YPEL2: variants seen among roughly 807,000 people sequenced by gnomAD.
YPEL2 encodes protein yippee-like 2.
YPEL2 carries 2 observed loss-of-function variants against 19.1 expected under a neutral mutation model. The observed-to-expected ratio is 0.10, with a 90% CI of 0.04 to 0.33. YPEL2 has a LOEUF of 0.33. YPEL2 is among the 10% of genes least tolerant of loss of function. The probability of loss-of-function intolerance (pLI) is 1.00; values close to 1 mark genes in which losing one functional copy is unlikely to be tolerated. For missense variants in YPEL2, 66 were observed against 140.7 expected, an observed-to-expected ratio of 0.47 and a Z score of 2.68; for synonymous variants, 52 against 50.0, an observed-to-expected ratio of 1.04 and a Z score of -0.17.
At chr17:59,335,962 C>T (rs1255519737) in intron 1 of YPEL2, among the ~76,000 whole-genome samples, 1 of 152,140 alleles carries the variant, frequency 6.6e-6, no homozygotes, top group African/African-American at 2.4e-5. Flanking sequence ...CTCTCTTAAT[C>T]CCCTTAACTT....
chr17:59,374,049 G>A (rs964780435), intron 2 of YPEL2, among the ~76,000 whole-genome samples: 3 of 152,174 alleles, frequency 2.0e-5, no homozygotes, highest in African/African-American at 7.2e-5. Context: ...CTCACAGAAT[G>A]TTCACCCTTG....
Position 59,353,975 on chromosome 17 carries a change from G to A in YPEL2, c.117+449G>A. 3.7e-6 allele frequency: 1 copy of A among 271,834 alleles called. No homozygotes were observed. The highest frequency in any genetic ancestry group is 3.9e-5 in the South Asian group (1 of 25,804). The allele number at this position is 271,834 out of a possible 1,614,324, so 16.8% of individuals were successfully genotyped here. On this transcript the variant is annotated intron_variant, in intron 2 of 4. Coordinates refer to ENST00000312655, the MANE Select transcript of YPEL2 (RefSeq NM_001005404.4). The surrounding 1 kb of genome is among the most constrained non-coding windows in gnomAD (Gnocchi z 4.8). ...TGAGACTGTGGAATTACTAAAATGG[G>A]TGGCTTTTGGCAGGGACCAAAAGTG...
In YPEL2 at chr17:59,332,194, C is replaced by A. The variant is rs1381977432; in HGVS notation, c.-196+370C>A. Among the ~76,000 whole-genome samples the A allele has an allele frequency of 2.6e-5, 4 of 152,040 alleles. No individual in the cohort carries two copies. The East Asian group carries it at 7.8e-4, about 30-fold the overall frequency. Reference sequence around the variant, plus strand: ...GCCGCTTCCTCCTCCGCGTCGTCCCCATGGGTTCGGACTCCATGGGGTCCG... The same window carrying A: ...GCCGCTTCCTCCTCCGCGTCGTCCCAATGGGTTCGGACTCCATGGGGTCCG... On this transcript the variant is annotated intron_variant, in intron 1 of 4. Coordinates refer to ENST00000312655, the MANE Select transcript of YPEL2 (RefSeq NM_001005404.4).
At chr17:59,372,648 T>C (rs1485747644) in intron 2 of YPEL2, among the ~76,000 whole-genome samples, 1 of 152,174 alleles carries the variant, frequency 6.6e-6, no homozygotes, top group East Asian at 1.9e-4. Flanking sequence ...TGAAGAGTGA[T>C]AAGAATGCCC....
intron 1 of YPEL2, among the ~76,000 whole-genome samples, chr17:59,332,410 C>A (rs531821343): frequency 2.6e-5 from 4 of 152,188 alleles, no homozygotes; most frequent in Non-Finnish European, 5.9e-5. Flanking sequence ...CCTCCCTGGC[C>A]GCGTCTCGGC....
At chr17:59,340,118 T>A (rs2047720495) in intron 1 of YPEL2, among the ~76,000 whole-genome samples, 2 of 152,142 alleles carry the variant, frequency 1.3e-5, no homozygotes, top group Admixed American at 1.3e-4. Flanking sequence ...ACTTTTTTTT[T>A]TTTTTTGAGA....
chr17:59,378,550 C>T (rs1013685460), intron 2 of YPEL2, among the ~76,000 whole-genome samples: 3 of 152,000 alleles, frequency 2.0e-5, no homozygotes, highest in Non-Finnish European at 2.9e-5. Context: ...TGGCCAGGCT[C>T]GTCTTGAACT....
chr17:59,364,765 G>A (rs1317455101), intron 2 of YPEL2, among the ~76,000 whole-genome samples: 1 of 152,090 alleles, frequency 6.6e-6, no homozygotes, highest in Non-Finnish European at 1.5e-5. Flanking sequence ...ACAGGTGCCT[G>A]CCACCACATC....
intron 1 of YPEL2, among the ~76,000 whole-genome samples, chr17:59,332,551 A>G (rs1311178295): frequency 1.3e-5 from 2 of 150,720 alleles, no homozygotes; most frequent in East Asian, 4.0e-4. Context: ...CTTCCAGTTC[A>G]CCCTGCTTGG....
intron 2 of YPEL2, among the ~76,000 whole-genome samples, chr17:59,382,230 C>G (rs540276092): frequency 6.6e-6 from 1 of 152,346 alleles, no homozygotes; most frequent in Non-Finnish European, 1.5e-5. Flanking sequence ...CTATGGCCAC[C>G]AGGACAGCCC....
intron 4 of YPEL2, among the ~76,000 whole-genome samples, chr17:59,390,259 C>T (rs896689367): frequency 3.3e-5 from 5 of 152,176 alleles, no homozygotes; most frequent in Non-Finnish European, 7.3e-5. Context: ...CCGTCAGGCT[C>T]CCAAAGTGCT....
Position 59,389,455 on chromosome 17 carries a change from T to G in YPEL2, c.257T>G (p.Leu86Arg). Residue 86 changes from leucine (L) to arginine (R), a missense_variant, in exon 4 of 5, where the codon CTG (leucine) becomes CGG (arginine). Physicochemically the swap from Leu to Arg is moderately radical, Grantham distance 102. Transcript: ENST00000312655. ...DIYCENCKTT[L>R]GWKYEHAFES... ...TACTGTGAAAACTGCAAAACCACTC[T>G]GGGCTGGAAATACGTAAGTATAAAG... 1.2e-6 allele frequency: 2 copies of G among 1,613,690 alleles called. No homozygotes were observed. The highest frequency in any genetic ancestry group is 1.7e-6 in the Non-Finnish European group (2 of 1,179,938).
rs2048043530 is a variant in YPEL2, at chr17:59,397,112, T to C, written c.282T>C (p.Phe94=). 1 of 1,611,718 alleles carries C rather than the reference T, an allele frequency of 6.2e-7. No homozygotes were observed. The highest frequency in any genetic ancestry group is 8.5e-7 in the Non-Finnish European group (1 of 1,178,886). Residue 94 remains phenylalanine, a synonymous_variant, in exon 5 of 5, where the codon TTT becomes TTC. Transcript: ENST00000312655. ...TCTGTATTTCCTAGGAACATGCTTT[T>C]GAAAGCAGCCAGAAATATAAAGAAG... ...TTLGWKYEHA[F]ESSQKYKEGK...
chr17:59,359,745 A>G (rs1598035729), intron 2 of YPEL2, among the ~76,000 whole-genome samples: 1 of 152,260 alleles, frequency 6.6e-6, no homozygotes, highest in Admixed American at 6.5e-5. Flanking sequence ...ATAAATGTCT[A>G]TCTCAAAAAG....
intron 1 of YPEL2, among the ~76,000 whole-genome samples, chr17:59,346,309 GTCTT>G (rs1195620239): frequency 3.9e-5 from 6 of 152,196 alleles, no homozygotes; most frequent in East Asian, 1.9e-4. Context: ...GTCCCTTTCA[GTCTT>G]TCTAAGAGTT....
intron 2 of YPEL2, among the ~76,000 whole-genome samples, chr17:59,366,551 G>A (rs924844170): frequency 1.3e-5 from 2 of 152,146 alleles, no homozygotes; most frequent in Non-Finnish European, 2.9e-5. Context: ...CAGCCGAGTC[G>A]GGCAGCCCCT....
intron 1 of YPEL2, among the ~76,000 whole-genome samples, chr17:59,340,908 T>G (rs370166549): frequency 6.9e-6 from 1 of 144,928 alleles, no homozygotes; most frequent in Non-Finnish European, 1.5e-5. Context: ...AGAGACGGGG[T>G]TTCGCCATGT....
intron 2 of YPEL2, among the ~76,000 whole-genome samples, chr17:59,375,150 G>T (rs1040171220): frequency 8.5e-5 from 13 of 152,150 alleles, no homozygotes; most frequent in Non-Finnish European, 1.8e-4. Context: ...GTAGAAATGT[G>T]GGGGAGAGCC....
At chr17:59,341,419 C>T (rs752961075) in intron 1 of YPEL2, among the ~76,000 whole-genome samples, 8 of 151,398 alleles carry the variant, frequency 5.3e-5, no homozygotes, top group Non-Finnish European at 1.0e-4. Flanking sequence ...CGCGGTGACT[C>T]ATGCCTGTAA....
Sources: allele counts gnomAD v4.1 joint callset (sites outside exome capture counted in the v4.1 genomes callset), GRCh38; gene constraint gnomAD v4.1.1; non-coding constraint Gnocchi (gnomAD v3.1); transcripts MANE v1.5; gene names NCBI Gene and HGNC (gene_info 2026-07-23, HGNC 2026-07-21).